Variants in CENPE observed in about 807,000 individuals in gnomAD.
The protein encoded by CENPE is centromere protein E, also known as centromere-associated protein E.
Under a neutral mutation model 336.1 loss-of-function variants are expected in CENPE, and 145 were observed. The ratio of observed to expected loss-of-function variants is 0.43; its 90% CI spans 0.38 to 0.50. The LOEUF (loss-of-function observed/expected upper bound fraction) is 0.50, where lower values mean the gene tolerates loss of function less well. Among genes scored for constraint, CENPE ranks in the 20% least tolerant of loss-of-function variants. The pLI, the probability that CENPE is intolerant of heterozygous loss-of-function variation, is 0.00. For synonymous variants in CENPE, 1,013 were observed against 984.8 expected, an observed-to-expected ratio of 1.03 and a Z score of -0.54; for missense variants, 2,719 against 3,023.3, an observed-to-expected ratio of 0.90 and a Z score of 2.36.
intron 16 of CENPE, among the ~76,000 whole-genome samples, chr4:103,172,326 C>T (rs1429804407): frequency 6.6e-6 from 1 of 151,838 alleles, no homozygotes; most frequent in African/African-American, 2.4e-5. Context: ...ACATGACATA[C>T]CGCATTAACA....
In CENPE at chr4:103,140,251, C is replaced by T. The variant is rs780169489; in HGVS notation, c.5913+5G>A. On this transcript the variant is annotated splice_donor_5th_base_variant and intron_variant, in intron 37 of 48. Coordinates refer to ENST00000265148, the MANE Select transcript of CENPE (RefSeq NM_001813.3). Reference sequence around the variant, plus strand: ...CTTCCAAAAGAAGAACAAAACAACACATACCTTTTTCTGTAATTCATCTTT... The same window carrying T: ...CTTCCAAAAGAAGAACAAAACAACATATACCTTTTTCTGTAATTCATCTTT... The T allele has an allele frequency of 2.5e-6, 4 of 1,586,534 alleles. No individual in the cohort carries two copies. The highest frequency in any genetic ancestry group is 1.4e-5 in the African/African-American group (1 of 73,414).
intron 12 of CENPE, 82 bp downstream of exon 12, chr4:103,181,255 A>T: frequency 3.1e-6 from 3 of 956,826 alleles, no homozygotes; most frequent in Non-Finnish European, 4.4e-6. Context: ...ATATTCAGGA[A>T]TGAAGAGTCT....
At chr4:103,130,907 A>C (rs1344358614) in intron 42 of CENPE, among the ~76,000 whole-genome samples, 1 of 132,208 alleles carries the variant, frequency 7.6e-6, no homozygotes, top group East Asian at 2.1e-4. Flanking sequence ...GGACTTCTAC[A>C]AGCGAAAAAA....
intron 1 of CENPE, 40 bp downstream of exon 1, chr4:103,198,224 C>A: frequency 6.5e-7 from 1 of 1,541,196 alleles, no homozygotes; most frequent in Non-Finnish European, 8.8e-7. Context: ...GGCGGCGCCG[C>A]AGGCCCAGCG....
At chr4:103,136,045 C>A in intron 40 of CENPE, 96 bp downstream of exon 40, 2 of 1,029,296 alleles carry the variant, frequency 1.9e-6, no homozygotes, top group East Asian at 2.5e-5. Context: ...AGTAAGAATA[C>A]TAAATAGCAA....
chr4:103,167,696 G>A (rs1377068346), intron 16 of CENPE, among the ~76,000 whole-genome samples: 1 of 152,204 alleles, frequency 6.6e-6, no homozygotes, highest in Non-Finnish European at 1.5e-5. Context: ...ACCTGGAAGT[G>A]TTGTTTTTGA....
At position 103,159,318 on chromosome 4, in the gene CENPE, C is replaced by A; in HGVS notation, c.2293G>T (p.Asp765Tyr). ...EVERLRKEIQ[D>Y]KSEELHIITS... ...ATTATATGGAGCTCTTCAGATTTGTCTTGTATCTATGGAAAAGAAATAAAA... is the reference window on the plus strand; with the variant it reads ...ATTATATGGAGCTCTTCAGATTTGTATTGTATCTATGGAAAAGAAATAAAA... Residue 765 changes from aspartate to tyrosine, a missense_variant, in exon 22 of 49, where the codon GAC (aspartate) becomes TAC (tyrosine). By Grantham distance (160) the Asp-to-Tyr change is radical. Coordinates refer to ENST00000265148, the MANE Select transcript of CENPE (RefSeq NM_001813.3). The A allele has an allele frequency of 2.8e-6, 4 of 1,450,410 alleles. No homozygotes were observed. The South Asian group carries it at 4.4e-5, about 16-fold the overall frequency. The allele number at this position is 1,450,410 out of a possible 1,614,324, so 89.8% of individuals were successfully genotyped here.
intron 38 of CENPE, among the ~76,000 whole-genome samples, chr4:103,138,903 A>G (rs1431461047): frequency 6.6e-6 from 1 of 152,158 alleles, no homozygotes; most frequent in Non-Finnish European, 1.5e-5. Flanking sequence ...TTAATTTCTG[A>G]TTCCTACTCT....
At chr4:103,120,715 A>C (rs1405460163) in intron 43 of CENPE, among the ~76,000 whole-genome samples, 1 of 151,988 alleles carries the variant, frequency 6.6e-6, no homozygotes, top group Non-Finnish European at 1.5e-5. Context: ...AGTAATATAT[A>C]TTTATCTTTC....
rs1323405712 is a variant in CENPE at position 103,170,831 on chromosome 4, A to AG, written c.1647+3904dup. On this transcript the variant is annotated intron_variant, in intron 16 of 48. Transcript: ENST00000265148. ...TAAGGATACAAATAGATGGAAAGGAAGGGGTGGAAAAAGATATTCCATGCA... is the reference window on the plus strand; with the variant it reads ...TAAGGATACAAATAGATGGAAAGGAAGGGGGTGGAAAAAGATATTCCATGCA... Among the ~76,000 whole-genome samples, 5 of 152,140 alleles carry AG rather than the reference A, an allele frequency of 3.3e-5. No individual in the cohort carries two copies. In the East Asian group the frequency reaches 9.6e-4, roughly 29 times the overall value.
intron 5 of CENPE, 92 bp downstream of exon 5, chr4:103,195,022 T>G: frequency 1.7e-6 from 2 of 1,201,550 alleles, no homozygotes; most frequent in Admixed American, 2.7e-5. Context: ...TAGGAGACAC[T>G]TTAAAAACTA....
At chr4:103,147,083 C>T (rs1753117570) in intron 29 of CENPE, among the ~76,000 whole-genome samples, 1 of 152,068 alleles carries the variant, frequency 6.6e-6, no homozygotes, top group East Asian at 1.9e-4. Flanking sequence ...TTTGGTTTCA[C>T]CCTTTCTTGT....
chr4:103,122,602 G>A (rs550743256), intron 43 of CENPE, among the ~76,000 whole-genome samples: 57 of 152,228 alleles, frequency 3.7e-4, no homozygotes, highest in African/African-American at 6.7e-4. Context: ...GTAATTGTAC[G>A]TTAACTGGTA....
In CENPE at chr4:103,114,483, T is replaced by C; in HGVS notation, c.7512A>G (p.Arg2504=). The C allele has an allele frequency of 6.2e-7, 1 of 1,611,380 alleles. No homozygotes were observed. The change falls in exon 46 of 49, where the codon AGA becomes AGG. Residue 2504 remains arginine, a synonymous_variant. Transcript: ENST00000265148. ...AGGTATCTTGGGCCTGTTGACTTCT[T>C]CTGAGATTTTCTCTCAATAGCCTTA... The part of the protein sequence containing the change: ...EVIRLLRENL[R]RSQQAQDTSV...
Position 103,160,543 on chromosome 4 carries a change from A to T in CENPE, c.2286+82T>A. On this transcript the variant is annotated intron_variant, in intron 21 of 48. Transcript: ENST00000265148. The stretch of plus-strand genomic sequence containing the variant: ...TCTCTTGTCTGCTAGTTTAAAATAA[A>T]CTATACCAAAATATTTAAGGCACTA... 2.5e-6 allele frequency: 3 copies of T among 1,199,134 alleles called. No homozygotes were observed. In the South Asian group the frequency reaches 4.5e-5, roughly 18 times the overall value. The allele number at this position is 1,199,134 out of a possible 1,614,324, so 74.3% of individuals were successfully genotyped here.
chr4:103,191,460 A>G (rs973571594), intron 8 of CENPE, among the ~76,000 whole-genome samples: 2 of 152,218 alleles, frequency 1.3e-5, no homozygotes, highest in African/African-American at 2.4e-5. Context: ...ATGAAATTCT[A>G]TGCAGCCATA....
At chr4:103,113,408 T>C (rs894182613) in intron 46 of CENPE, among the ~76,000 whole-genome samples, 2 of 142,630 alleles carry the variant, frequency 1.4e-5, no homozygotes, top group Non-Finnish European at 3.0e-5. Context: ...TATATAAGTA[T>C]TTACTATATA....
intron 16 of CENPE, among the ~76,000 whole-genome samples, chr4:103,173,847 T>C (rs1392336144): frequency 6.6e-6 from 1 of 151,860 alleles, no homozygotes; most frequent in Non-Finnish European, 1.5e-5. Context: ...TTAGAATGGC[T>C]TATCAAGAAG....
rs562470684 is a variant in CENPE, at chr4:103,184,608, T to C, written c.745+1202A>G. Among the ~76,000 whole-genome samples, 66 of 152,216 alleles carry C rather than the reference T, an allele frequency of 4.3e-4. 1 individual carries two copies. The highest frequency in any genetic ancestry group is 5.7e-4 in the Non-Finnish European group (39 of 68,026). ...AATAATCTATCTTTTCTTTACAAAT[T>C]TGAAGGACCATCTTTATTGTATTCT... On this transcript the variant is annotated intron_variant, in intron 9 of 48. Transcript: ENST00000265148.
Sources: gnomAD v4.1 joint callset for allele counts (sites outside exome capture counted in the v4.1 genomes callset) on GRCh38, gnomAD v4.1.1 for gene constraint, MANE v1.5 for transcripts, NCBI Gene and HGNC (gene_info 2026-07-23, HGNC 2026-07-21) for gene names.